Variants in DAB1 observed in about 807,000 individuals in gnomAD.
DAB1 encodes the protein DAB adaptor protein 1, also known as disabled homolog 1.
Under a neutral mutation model 64.6 loss-of-function variants are expected in DAB1, and 15 were observed. The ratio of observed to expected loss-of-function variants is 0.23; its 90% CI spans 0.16 to 0.36. The LOEUF (loss-of-function observed/expected upper bound fraction) is 0.36. Among genes scored for constraint, DAB1 ranks in the 10% least tolerant of loss-of-function variants. DAB1 has a pLI of 1.00. For missense variants in DAB1, 596 were observed against 706.7 expected (o/e 0.84, Z 1.78); for synonymous variants, 235 against 251.9 (o/e 0.93, Z 0.64).
chr1:57,673,844 G>C (rs1462596528), intron 6 of DAB1, among the ~76,000 whole-genome samples: 1 of 152,112 alleles, frequency 6.6e-6, no homozygotes, highest in African/African-American at 2.4e-5. Flanking sequence ...AAAATGAAAG[G>C]CCAACTTTTC....
intron 4 of DAB1, among the ~76,000 whole-genome samples, chr1:58,151,338 A>G (rs1654924417): frequency 6.6e-6 from 1 of 152,170 alleles, no homozygotes; most frequent in South Asian, 2.1e-4. Context: ...ATTTCTCCAC[A>G]TCCTCTCCAG....
chr1:57,812,046 C>T (rs1051997374), intron 6 of DAB1, among the ~76,000 whole-genome samples: 1 of 152,042 alleles, frequency 6.6e-6, no homozygotes, highest in Non-Finnish European at 1.5e-5. Context: ...AAGCCTACAC[C>T]TCTCCTTTTT....
At chr1:57,262,742 C>A (rs1302609459) in intron 2 of DAB1, among the ~76,000 whole-genome samples, 1 of 152,220 alleles carries the variant, frequency 6.6e-6, no homozygotes, top group Non-Finnish European at 1.5e-5. Context: ...CATCCCAGAG[C>A]CTCTTCTGCT....
chr1:57,983,393 A>C (rs1312643172), intron 5 of DAB1, among the ~76,000 whole-genome samples: 2 of 152,150 alleles, frequency 1.3e-5, no homozygotes, highest in Non-Finnish European at 2.9e-5. Context: ...CAGGGGTGAA[A>C]TCTGGCCAAC....
chr1:57,926,443 G>A (rs1644881139), intron 5 of DAB1, among the ~76,000 whole-genome samples: 3 of 152,090 alleles, frequency 2.0e-5, no homozygotes, highest in South Asian at 2.1e-4. Context: ...GAGCCAAAGT[G>A]GGAAAAAAAA....
intron 7 of DAB1, among the ~76,000 whole-genome samples, chr1:57,632,538 T>G (rs771972522): frequency 1.3e-5 from 2 of 152,136 alleles, no homozygotes; most frequent in African/African-American, 2.4e-5. Flanking sequence ...ATGCCATCAA[T>G]AAATTCACAA....
chr1:57,606,623 A>AT (rs1220659883), intron 7 of DAB1, among the ~76,000 whole-genome samples: 12 of 53,304 alleles, frequency 2.3e-4, no homozygotes, highest in African/African-American at 8.3e-4. Flanking sequence ...TATATAATAT[A>AT]TGAAATATAT....
At chr1:58,343,079 A>G (rs887534030) in intron 4 of DAB1, among the ~76,000 whole-genome samples, 1 of 152,030 alleles carries the variant, frequency 6.6e-6, no homozygotes, top group Admixed American at 6.6e-5. Flanking sequence ...GTAGTCTCCT[A>G]TTTGTCTCAA....
Position 57,273,553 on chromosome 1 carries a change from GCCTTCCTTCCTTCCTTCCTT to G in DAB1, c.67+17391_67+17410del, listed in dbSNP as rs1191588175. On this transcript the variant is annotated intron_variant, in intron 2 of 14. Coordinates refer to ENST00000371236, the MANE Select transcript of DAB1 (RefSeq NM_001365792.1). ...TGCCTGCCTGCCTGCCTGCCTGCCT[GCCTTCCTTCCTTCCTTCCTT>G]CCTTCCTTCCTTCCTTCCTTCCTTC... Among the ~76,000 whole-genome samples the G allele has an allele frequency of 4.7e-3, 291 of 61,764 alleles. 3 individuals are homozygous for G. Among genetic ancestry groups the G allele is most frequent in the Non-Finnish European group, 6.6e-3 (171 of 26,020 alleles). The allele number at this position is 61,764 out of a possible 152,430, so 40.5% of individuals were successfully genotyped here.
Position 57,185,374 on chromosome 1 carries a change from T to C in DAB1, c.68-39945A>G, listed in dbSNP as rs12073023. Among the ~76,000 whole-genome samples the C allele has an allele frequency of 5.3e-3, 814 of 152,262 alleles. 6 individuals are homozygous for C. The highest frequency in any genetic ancestry group is 0.018 in the African/African-American group (736 of 41,556). On this transcript the variant is annotated intron_variant, in intron 2 of 14. Coordinates refer to ENST00000371236, the MANE Select transcript of DAB1 (RefSeq NM_001365792.1). ...GCAAAGAATAGAGGAGGACAGAATT[T>C]GCAGATTGTTAAGTGTACATGCTTC...
chr1:58,031,380 G>C (rs1056210711), intron 5 of DAB1, among the ~76,000 whole-genome samples: 2 of 152,190 alleles, frequency 1.3e-5, no homozygotes, highest in African/African-American at 4.8e-5. Flanking sequence ...AAAGTGATCT[G>C]TTCAGAGAAA....
chr1:57,357,834 T>C (rs1049299017), intron 1 of DAB1, among the ~76,000 whole-genome samples: 1 of 151,752 alleles, frequency 6.6e-6, no homozygotes, highest in South Asian at 2.1e-4. Context: ...ATCATGAGAG[T>C]ACTGCATGGG....
chr1:58,131,986 C>G (rs11799825), intron 5 of DAB1, among the ~76,000 whole-genome samples: 6 of 151,920 alleles, frequency 3.9e-5, no homozygotes, highest in African/African-American at 1.5e-4. Context: ...TGGGCTCCAC[C>G]CAGTTCGAGC....
At chr1:58,466,573 T>A (rs1222200932) in intron 3 of DAB1, among the ~76,000 whole-genome samples, 1 of 152,142 alleles carries the variant, frequency 6.6e-6, no homozygotes, top group African/African-American at 2.4e-5. Flanking sequence ...CAAGCAGCTG[T>A]CACGGGAAGC....
chr1:58,223,934 G>T (rs1034433219), intron 4 of DAB1, among the ~76,000 whole-genome samples: 3 of 152,196 alleles, frequency 2.0e-5, no homozygotes, highest in Admixed American at 2.0e-4. Flanking sequence ...CTTGAAAGAA[G>T]AATTGCTTCC....
chr1:58,143,735 T>A (rs1234844751), intron 5 of DAB1, among the ~76,000 whole-genome samples: 1 of 152,216 alleles, frequency 6.6e-6, no homozygotes, highest in East Asian at 1.9e-4. Context: ...GTTATTATTT[T>A]CCTCCAATAA....
intron 5 of DAB1, among the ~76,000 whole-genome samples, chr1:57,982,231 T>C (rs888279600): frequency 2.0e-5 from 3 of 152,232 alleles, no homozygotes; most frequent in African/African-American, 7.2e-5. Flanking sequence ...GCAGCTACCA[T>C]GTGCCAGGCA....
intron 1 of DAB1, among the ~76,000 whole-genome samples, chr1:57,374,132 C>CA (rs1426699691): frequency 9.2e-5 from 14 of 151,804 alleles, no homozygotes; most frequent in Admixed American, 7.9e-4. Flanking sequence ...ACAAACAAAC[C>CA]AAAAAATGCT....
At chr1:58,152,225 C>A (rs1654984851) in intron 4 of DAB1, among the ~76,000 whole-genome samples, 1 of 152,128 alleles carries the variant, frequency 6.6e-6, no homozygotes, top group Non-Finnish European at 1.5e-5. Context: ...ACTATACCCC[C>A]CATTCTACAA....
Sources: allele counts gnomAD v4.1 joint callset (sites outside exome capture counted in the v4.1 genomes callset), GRCh38; gene constraint gnomAD v4.1.1; transcripts MANE v1.5; gene names NCBI Gene and HGNC (gene_info 2026-07-23, HGNC 2026-07-21).